Variants in FREM2 observed in about 807,000 individuals in gnomAD.
FREM2 encodes FRAS1 related extracellular matrix 2.
FREM2 carries 119 observed loss-of-function variants against 219.9 expected under a neutral mutation model. The observed-to-expected ratio is 0.54, with a 90% CI of 0.47 to 0.63. FREM2 has a LOEUF of 0.63. Ranked by LOEUF, FREM2 falls within the 30% of genes least tolerant of loss-of-function variation. The pLI is 0.00. For missense variants in FREM2, 4,030 were observed against 3,993.6 expected, an observed-to-expected ratio of 1.01 and a Z score of -0.25; for synonymous variants, 1,562 against 1,522.8, an observed-to-expected ratio of 1.03 and a Z score of -0.60.
intron 6 of FREM2, among the ~76,000 whole-genome samples, chr13:38,785,147 G>A (rs1049775870): frequency 6.6e-6 from 1 of 151,888 alleles, no homozygotes; most frequent in African/African-American, 2.4e-5. Flanking sequence ...GTTTTGTTTT[G>A]CTTTTAAAAG....
chr13:38,797,642 T>A (rs576439907), intron 6 of FREM2, among the ~76,000 whole-genome samples: 1 of 152,254 alleles, frequency 6.6e-6, no homozygotes, highest in South Asian at 2.1e-4. Context: ...TTCATTTCTC[T>A]CTCTGTGCTT....
At chr13:38,861,838 T>C (rs1477034370) in intron 15 of FREM2, among the ~76,000 whole-genome samples, 1 of 152,142 alleles carries the variant, frequency 6.6e-6, no homozygotes, top group East Asian at 1.9e-4. Context: ...TATGAAAGAG[T>C]ACAAATGCAT....
intron 2 of FREM2, among the ~76,000 whole-genome samples, chr13:38,759,764 T>C (rs191893349): frequency 2.3e-3 from 345 of 152,384 alleles, no homozygotes; most frequent in Middle Eastern, 3.4e-3. Context: ...TTTAACGTTA[T>C]TTAACTTCAT....
At chr13:38,751,655 G>A (rs1872773050) in intron 2 of FREM2, among the ~76,000 whole-genome samples, 2 of 152,098 alleles carry the variant, frequency 1.3e-5, no homozygotes, top group Admixed American at 6.6e-5. Context: ...TATAATGTAT[G>A]TATAGTATTT....
Position 38,692,403 on chromosome 13 carries a change from G to A in FREM2, c.5059G>A (p.Glu1687Lys), listed in dbSNP as rs148965852. 47 of 1,611,826 alleles carry A rather than the reference G, an allele frequency of 2.9e-5. No individual in the cohort carries two copies. The South Asian group carries it at 4.7e-4, about 16-fold the overall frequency. ...FMITSKILKV[E>K]DRDSLHISLR... is the part of the protein sequence containing the mutation. Reference sequence around the variant, plus strand: ...GATCACAAGCAAAATATTGAAAGTGGAGGACAGAGACAGCTTACACATTTC... The same window carrying A: ...GATCACAAGCAAAATATTGAAAGTGAAGGACAGAGACAGCTTACACATTTC... Residue 1687 changes from glutamate (E) to lysine (K), a missense_variant, in exon 1 of 24, where the codon GAG becomes AAG. By Grantham distance (56) the Glu-to-Lys change is moderately conservative (BLOSUM62 1). Around this residue, in one of 2 missense-constraint regions of FREM2, gnomAD observed 3,102 missense variants for 2,950.7 expected, o/e 1.05. Transcript: ENST00000280481.
At chr13:38,795,909 G>GA (rs1282562925) in intron 6 of FREM2, among the ~76,000 whole-genome samples, 1 of 152,112 alleles carries the variant, frequency 6.6e-6, no homozygotes, top group Non-Finnish European at 1.5e-5. Flanking sequence ...CCATGATGTT[G>GA]AAAAATGACA....
intron 2 of FREM2, among the ~76,000 whole-genome samples, chr13:38,731,006 C>G (rs1871745832): frequency 6.6e-6 from 1 of 151,464 alleles, no homozygotes; most frequent in Admixed American, 6.6e-5. Context: ...ATTATCTAAA[C>G]TGAAGAATTC....
At chr13:38,728,582 T>C (rs1871628939) in intron 2 of FREM2, among the ~76,000 whole-genome samples, 1 of 151,996 alleles carries the variant, frequency 6.6e-6, no homozygotes, top group South Asian at 2.1e-4. Flanking sequence ...ATTTTTTTTT[T>C]CTGTATTTTT....
chr13:38,751,054 A>G (rs1211903051), intron 2 of FREM2, among the ~76,000 whole-genome samples: 3 of 152,064 alleles, frequency 2.0e-5, no homozygotes, highest in African/African-American at 7.2e-5. Flanking sequence ...ATGGATAAGC[A>G]CTGAGGTTGA....
chr13:38,745,826 G>A (rs920550747), intron 2 of FREM2, among the ~76,000 whole-genome samples: 2 of 152,060 alleles, frequency 1.3e-5, no homozygotes, highest in African/African-American at 2.4e-5. Flanking sequence ...TCTGCCTATC[G>A]GGGACAAGGT....
chr13:38,696,633 T>C (rs1170903545), intron 1 of FREM2, among the ~76,000 whole-genome samples: 1 of 152,186 alleles, frequency 6.6e-6, no homozygotes, highest in Admixed American at 6.5e-5. Flanking sequence ...TTTTTTCTTA[T>C]TATGTTGTAT....
intron 2 of FREM2, among the ~76,000 whole-genome samples, chr13:38,698,287 A>C (rs1593350370): frequency 6.6e-6 from 1 of 152,118 alleles, no homozygotes; most frequent in African/African-American, 2.4e-5. Context: ...TATCTCACCA[A>C]TCTCAGGACT....
Position 38,690,252 on chromosome 13 carries a change from A to G in FREM2, c.2908A>G (p.Lys970Glu). 6.2e-7 allele frequency: 1 copy of G among 1,614,190 alleles called. No individual in the cohort carries two copies. The highest frequency in any genetic ancestry group is 2.2e-5 in the East Asian group (1 of 44,878). Residue 970 changes from lysine to glutamate, a missense_variant, in exon 1 of 24, where the codon AAG (lysine) becomes GAG (glutamate). Physicochemically the swap from Lys to Glu is moderately conservative, Grantham distance 56. Around this residue, in one of 2 missense-constraint regions of FREM2, gnomAD observed 3,102 missense variants for 2,950.7 expected, o/e 1.05. Transcript: ENST00000280481. ...GATEITANVIKGTNEETDDLM... is the reference protein window; with the variant it reads ...GATEITANVIEGTNEETDDLM... ...TACTGAAATCACTGCCAATGTTATTAAGGGGACCAATGAGGAAACTGATGA... is the reference window on the plus strand; with the variant it reads ...TACTGAAATCACTGCCAATGTTATTGAGGGGACCAATGAGGAAACTGATGA...
intron 6 of FREM2, among the ~76,000 whole-genome samples, chr13:38,807,188 G>GTT (rs1875265070): frequency 1.5e-5 from 1 of 66,410 alleles, no homozygotes; most frequent in Non-Finnish European, 3.1e-5. Context: ...TCTTGTCTCT[G>GTT]TTATATATAT....
chr13:38,720,447 TA>T (rs1279490657), intron 2 of FREM2, among the ~76,000 whole-genome samples: 1 of 152,188 alleles, frequency 6.6e-6, no homozygotes, highest in East Asian at 1.9e-4. Flanking sequence ...AGACAGATTC[TA>T]ATTGCATCTC....
Position 38,687,203 on chromosome 13 carries a change from C to G in FREM2, c.-142C>G. ...GGCGCCGCGCAACTTTGCCATCCTT[C>G]TGGCCCAGCCCCGGCTACAGGAGGA... is the stretch of plus-strand genomic sequence containing the variant. On this transcript the variant is annotated 5_prime_UTR_variant, in exon 1 of 24. Coordinates refer to ENST00000280481, the MANE Select transcript of FREM2 (RefSeq NM_207361.6). 1 of 1,227,822 alleles carries G rather than the reference C, an allele frequency of 8.1e-7. No homozygotes were observed. The highest frequency in any genetic ancestry group is 1.1e-6 in the Non-Finnish European group (1 of 869,616). The allele number at this position is 1,227,822 out of a possible 1,614,324, so 76.1% of individuals were successfully genotyped here.
At chr13:38,861,403 C>A (rs750384288) in intron 14 of FREM2, 28 bp from the exon 15 acceptor site, 3 of 1,604,484 alleles carry the variant, frequency 1.9e-6, no homozygotes, top group Non-Finnish European at 2.6e-6. Flanking sequence ...CTTCTTTTCG[C>A]ATAAATATGG....
At chr13:38,750,242 G>A (rs913508927) in intron 2 of FREM2, among the ~76,000 whole-genome samples, 6 of 152,126 alleles carry the variant, frequency 3.9e-5, no homozygotes, top group African/African-American at 4.8e-5. Context: ...TGTTGTGGGA[G>A]GGACCTGGTA....
chr13:38,852,137 C>T (rs1877395147), intron 11 of FREM2, among the ~76,000 whole-genome samples: 1 of 152,112 alleles, frequency 6.6e-6, no homozygotes, highest in Non-Finnish European at 1.5e-5. Flanking sequence ...TCCTGCCACT[C>T]CCCCACCCTC....
Sources: gnomAD v4.1 joint callset for allele counts (sites outside exome capture counted in the v4.1 genomes callset) on GRCh38, gnomAD v4.1.1 for gene constraint, gnomAD v4.1.1 regional missense constraint, MANE v1.5 for transcripts, NCBI Gene and HGNC (gene_info 2026-07-23, HGNC 2026-07-21) for gene names.